ZFPM2: variants seen among roughly 807,000 people sequenced by gnomAD.
The protein encoded by ZFPM2 is zinc finger protein, FOG family member 2.
ZFPM2 carries 20 observed loss-of-function variants against 98.6 expected under a neutral mutation model. The observed-to-expected ratio is 0.20, with a 90% CI of 0.14 to 0.29. The LOEUF (loss-of-function observed/expected upper bound fraction) is 0.29, where lower values mean the gene tolerates loss of function less well. ZFPM2 is among the 10% of genes least tolerant of loss of function. ZFPM2 has a pLI of 1.00. For missense variants in ZFPM2, 1,310 were observed against 1,388.6 expected (o/e 0.94, Z 0.90); for synonymous variants, 518 against 502.7 (o/e 1.03, Z -0.41).
At chr8:105,451,116 C>G (rs1267480264) in intron 3 of ZFPM2, among the ~76,000 whole-genome samples, 1 of 152,036 alleles carries the variant, frequency 6.6e-6, no homozygotes, top group East Asian at 1.9e-4. Context: ...AGAATGGGAA[C>G]TAAGTATATT....
intron 4 of ZFPM2, among the ~76,000 whole-genome samples, chr8:105,608,845 A>G (rs1816248928): frequency 6.6e-6 from 1 of 152,102 alleles, no homozygotes; most frequent in Admixed American, 6.6e-5. Context: ...AGCATGAAGA[A>G]TCATAAAAAT....
At chr8:105,719,608 T>A (rs577526005) in intron 5 of ZFPM2, among the ~76,000 whole-genome samples, 23 of 152,048 alleles carry the variant, frequency 1.5e-4, no homozygotes, top group African/African-American at 5.1e-4. Flanking sequence ...AGAACCTTAA[T>A]CATAACATTT....
intron 4 of ZFPM2, among the ~76,000 whole-genome samples, chr8:105,562,352 AT>A (rs1461673944): frequency 1.2e-3 from 146 of 117,856 alleles, no homozygotes; most frequent in African/African-American, 5.5e-3. Flanking sequence ...AAATAAATAA[AT>A]AAATGGAAAG....
At chr8:105,589,522 A>G (rs1040695966) in intron 4 of ZFPM2, among the ~76,000 whole-genome samples, 2 of 152,242 alleles carry the variant, frequency 1.3e-5, no homozygotes, top group Non-Finnish European at 2.9e-5. Context: ...GGAATGTTCA[A>G]GAGATGTTTG....
chr8:105,746,481 A>G (rs1330471620), intron 5 of ZFPM2, among the ~76,000 whole-genome samples: 4 of 152,080 alleles, frequency 2.6e-5, no homozygotes, highest in African/African-American at 9.7e-5. Flanking sequence ...GCAAATGCTC[A>G]TTTGAAATAT....
Position 105,388,341 on chromosome 8 carries a change from T to C in ZFPM2, c.41-30803T>C, listed in dbSNP as rs530238797. Reference sequence around the variant, plus strand: ...AGAGAAAAGGGAAAAGGAGATGGGGTTGGGGGAGGGAGAGAGAAAGAGGAG... The same window carrying C: ...AGAGAAAAGGGAAAAGGAGATGGGGCTGGGGGAGGGAGAGAGAAAGAGGAG... On this transcript the variant is annotated intron_variant, in intron 1 of 7. Coordinates refer to ENST00000407775, the MANE Select transcript of ZFPM2 (RefSeq NM_012082.4). Among the ~76,000 whole-genome samples the C allele has an allele frequency of 1.7e-3, 254 of 149,838 alleles. 1 individual carries two copies. Among genetic ancestry groups the C allele is most frequent in the Non-Finnish European group, 2.6e-3 (176 of 67,356 alleles).
At chr8:105,479,304 T>C (rs1444208671) in intron 3 of ZFPM2, among the ~76,000 whole-genome samples, 1 of 152,230 alleles carries the variant, frequency 6.6e-6, no homozygotes, top group Admixed American at 6.5e-5. Context: ...CTGGCAGAAA[T>C]AGGTATTTCT....
chr8:105,794,907 G>C (rs1190007066), intron 6 of ZFPM2, among the ~76,000 whole-genome samples: 1 of 152,196 alleles, frequency 6.6e-6, no homozygotes, highest in African/African-American at 2.4e-5. Context: ...ATAATCTCCT[G>C]GTGCGCCATT....
In ZFPM2 at chr8:105,429,356, T is replaced by C. The variant is rs143708785; in HGVS notation, c.199+10054T>C. Among the ~76,000 whole-genome samples the C allele has an allele frequency of 2.0e-4, 30 of 151,770 alleles. No individual in the cohort carries two copies. In the East Asian group the frequency reaches 5.6e-3, roughly 28 times the overall value. ...GTATAGAGGCAGAAAGAGGACTACATAAAGAATTTTCTCATTTCTTAAAGA... is the reference window on the plus strand; with the variant it reads ...GTATAGAGGCAGAAAGAGGACTACACAAAGAATTTTCTCATTTCTTAAAGA... On this transcript the variant is annotated intron_variant, in intron 2 of 7. Transcript: ENST00000407775.
chr8:105,666,579 T>TA (rs1817492357), intron 5 of ZFPM2, among the ~76,000 whole-genome samples: 1 of 152,206 alleles, frequency 6.6e-6, no homozygotes, highest in South Asian at 2.1e-4. Flanking sequence ...CTGCAGTTCT[T>TA]AAAGTGTGGT....
At chr8:105,436,318 G>A (rs1253636058) in intron 2 of ZFPM2, among the ~76,000 whole-genome samples, 21 of 151,936 alleles carry the variant, frequency 1.4e-4, no homozygotes, top group African/African-American at 4.6e-4. Flanking sequence ...TCGGGAGTTC[G>A]AGACCAGCCT....
chr8:105,686,035 A>G (rs1810725085), intron 5 of ZFPM2, among the ~76,000 whole-genome samples: 1 of 152,108 alleles, frequency 6.6e-6, no homozygotes, highest in Non-Finnish European at 1.5e-5. Context: ...CAACTGAGAG[A>G]AACTGAGACT....
intron 4 of ZFPM2, among the ~76,000 whole-genome samples, chr8:105,614,610 C>G (rs753820397): frequency 6.6e-6 from 1 of 152,070 alleles, no homozygotes; most frequent in Non-Finnish European, 1.5e-5. Context: ...CTTGAAGCTA[C>G]AGGCTGTTTC....
chr8:105,529,897 A>G (rs371421617), intron 3 of ZFPM2, among the ~76,000 whole-genome samples: 2 of 151,640 alleles, frequency 1.3e-5, no homozygotes, highest in African/African-American at 4.8e-5. Flanking sequence ...CACCTGGCTA[A>G]TTTTTCTATT....
intron 5 of ZFPM2, chr8:105,782,263 A>G (rs764061848): frequency 2.0e-5 from 3 of 152,234 alleles, no homozygotes; most frequent in Non-Finnish European, 2.9e-5. Context: ...AGATGCTCAC[A>G]ACTGGATGAT....
chr8:105,376,004 T>C lies in ZFPM2; in HGVS notation c.41-43140T>C, dbSNP rs144888952. Reference sequence around the variant, plus strand: ...CTATTTAGAGCAAAATGTCTTGAAATTGTTGTCTCTAGTCTTGTTTCTATT... The same window carrying C: ...CTATTTAGAGCAAAATGTCTTGAAACTGTTGTCTCTAGTCTTGTTTCTATT... On this transcript the variant is annotated intron_variant, in intron 1 of 7. Coordinates refer to ENST00000407775, the MANE Select transcript of ZFPM2 (RefSeq NM_012082.4). 3.4e-3 allele frequency among the ~76,000 whole-genome samples: 516 copies of C among 152,274 alleles called. 4 individuals carry two copies. Among genetic ancestry groups the C allele is most frequent in the African/African-American group, 0.012 (492 of 41,562 alleles).
At chr8:105,622,291 G>A (rs182501067) in intron 4 of ZFPM2, among the ~76,000 whole-genome samples, 5 of 151,984 alleles carry the variant, frequency 3.3e-5, no homozygotes, top group Admixed American at 2.0e-4. Flanking sequence ...TCCAACATAC[G>A]CATTGATGCT....
intron 5 of ZFPM2, among the ~76,000 whole-genome samples, chr8:105,749,415 T>TG (rs1428563145): frequency 6.6e-6 from 1 of 152,070 alleles, no homozygotes; most frequent in East Asian, 1.9e-4. Context: ...AACATATATT[T>TG]GGGGGCAAAA....
intron 1 of ZFPM2, among the ~76,000 whole-genome samples, chr8:105,368,121 G>T (rs369828543): frequency 8.4e-6 from 1 of 119,556 alleles, no homozygotes; most frequent in African/African-American, 3.2e-5. Flanking sequence ...TGCTGGATTC[G>T]GTTTGCCAGT....
Sources: allele counts gnomAD v4.1 joint callset (sites outside exome capture counted in the v4.1 genomes callset), GRCh38; gene constraint gnomAD v4.1.1; transcripts MANE v1.5; gene names NCBI Gene and HGNC (gene_info 2026-07-23, HGNC 2026-07-21).